CACNG4: variants seen among roughly 807,000 people sequenced by gnomAD.
CACNG4 encodes the protein voltage-dependent calcium channel gamma-4 subunit.
In CACNG4, 8 loss-of-function variants were observed where a neutral mutation model predicts 22.9. That is an observed-to-expected ratio of 0.35 (90% CI 0.21 to 0.63). The LOEUF (loss-of-function observed/expected upper bound fraction) is 0.63. Among genes scored for constraint, CACNG4 ranks in the 30% least tolerant of loss-of-function variants. The pLI, the probability that CACNG4 is intolerant of heterozygous loss-of-function variation, is 0.72. For synonymous variants in CACNG4, 188 were observed against 191.9 expected (o/e 0.98, Z 0.17); for missense variants, 357 against 455.4 (o/e 0.78, Z 1.97).
intron 1 of CACNG4, among the ~76,000 whole-genome samples, chr17:67,012,561 CA>C (rs756354612): frequency 2.6e-5 from 4 of 152,196 alleles, no homozygotes; most frequent in Non-Finnish European, 5.9e-5. Flanking sequence ...CAGAACTGCC[CA>C]CCAAGGGACA....
intron 1 of CACNG4, among the ~76,000 whole-genome samples, chr17:67,004,861 C>T (rs1333948995): frequency 1.3e-5 from 2 of 152,174 alleles, no homozygotes; most frequent in African/African-American, 4.8e-5. Context: ...ATAGCTGGGA[C>T]TATAAGCGTG....
At chr17:67,018,490 A>AGGCCTGTACCCTGGGGAGATG (rs2035513930) in intron 2 of CACNG4, among the ~76,000 whole-genome samples, 1 of 152,186 alleles carries the variant, frequency 6.6e-6, no homozygotes, top group East Asian at 1.9e-4. Flanking sequence ...TTTGGCTGAG[A>AGGCCTGTACCCTGGGGAGATG]GGCCTGTACC....
intron 3 of CACNG4, among the ~76,000 whole-genome samples, chr17:67,028,318 C>G (rs1441636431): frequency 6.6e-6 from 1 of 152,196 alleles, no homozygotes; most frequent in Non-Finnish European, 1.5e-5. Flanking sequence ...CTTTGGGAGG[C>G]TGAGGCGGGC....
intron 1 of CACNG4, among the ~76,000 whole-genome samples, chr17:66,967,749 C>T (rs759526169): frequency 7.9e-5 from 12 of 152,296 alleles, no homozygotes; most frequent in African/African-American, 2.2e-4. Flanking sequence ...AATAAGACTC[C>T]GAGGATAAAG....
rs1168524654 is a variant in CACNG4 at position 66,988,152 on chromosome 17, C to G, written c.220+23021C>G. 5.9e-5 allele frequency among the ~76,000 whole-genome samples: 9 copies of G among 152,100 alleles called. No individual in the cohort carries two copies. In the South Asian group the frequency reaches 1.0e-3, roughly 18 times the overall value. On this transcript the variant is annotated intron_variant, in intron 1 of 3. Coordinates refer to ENST00000262138, the MANE Select transcript of CACNG4 (RefSeq NM_014405.4). ...CACCCAGCTTGGCTGCATGAATCCC[C>G]GTGTACTGCACCTGGGAGCATGTGA...
At position 67,030,749 on chromosome 17, in the gene CACNG4, G is replaced by C. The variant is rs527684520; in HGVS notation, c.729G>C (p.Ser243=). Residue 243 remains serine (S), a synonymous_variant, in exon 4 of 4, where the codon TCG becomes TCC. Transcript: ENST00000262138. This position sits in a 1 kb window ranked among gnomAD's most constrained non-coding sequence, Gnocchi z 6.4. The part of the protein sequence containing the change: ...MPSYRYRRRR[S]RSSSRSTEAS... ...GCTACAGGTACCGGCGACGGCGCTC[G>C]AGGTCCAGCTCAAGGTCCACCGAGG... 1 of 1,614,136 alleles carries C rather than the reference G, an allele frequency of 6.2e-7. No homozygotes were observed. The highest frequency in any genetic ancestry group is 1.1e-5 in the South Asian group (1 of 91,078).
In CACNG4 at chr17:66,992,171, G is replaced by T. The variant is rs984306866; in HGVS notation, c.221-26018G>T. 1.6e-3 allele frequency among the ~76,000 whole-genome samples: 246 copies of T among 151,578 alleles called. 1 individual carries two copies. Among genetic ancestry groups the T allele is most frequent in the Admixed American group, 3.6e-3 (55 of 15,224 alleles). On this transcript the variant is annotated intron_variant, in intron 1 of 3. Coordinates refer to ENST00000262138, the MANE Select transcript of CACNG4 (RefSeq NM_014405.4). ...CTCCGCCAAGCTCCTGGGGGGGGGG[G>T]GCTGTGATGCCTCCTTTCTCACCCT...
chr17:66,981,229 T>C (rs920570338), intron 1 of CACNG4, among the ~76,000 whole-genome samples: 11 of 152,182 alleles, frequency 7.2e-5, no homozygotes, highest in African/African-American at 2.7e-4. Context: ...TGGAAGGAGA[T>C]GCTGATCAAG....
At chr17:66,973,844 TG>T (rs971686705) in intron 1 of CACNG4, among the ~76,000 whole-genome samples, 11 of 152,216 alleles carry the variant, frequency 7.2e-5, no homozygotes, top group African/African-American at 2.7e-4. Flanking sequence ...TGCCTGGATC[TG>T]CCCCCAACGT....
chr17:67,011,476 A>G (rs748684188), intron 1 of CACNG4, among the ~76,000 whole-genome samples: 3 of 152,104 alleles, frequency 2.0e-5, no homozygotes, highest in Non-Finnish European at 4.4e-5. Flanking sequence ...TGATGCTGAT[A>G]TTCATTTATT....
intron 1 of CACNG4, among the ~76,000 whole-genome samples, chr17:66,973,345 T>C (rs2035216585): frequency 1.3e-5 from 2 of 151,810 alleles, no homozygotes; most frequent in South Asian, 2.1e-4. Flanking sequence ...CCTTTATTAA[T>C]AGTAATGCTT....
intron 1 of CACNG4, among the ~76,000 whole-genome samples, chr17:67,010,931 G>A (rs1029396634): frequency 5.3e-5 from 8 of 152,150 alleles, no homozygotes; most frequent in Non-Finnish European, 8.8e-5. Context: ...CTGAGACACA[G>A]ACATGGTCCA....
chr17:66,975,955 G>A (rs920763643), intron 1 of CACNG4, among the ~76,000 whole-genome samples: 2 of 152,222 alleles, frequency 1.3e-5, no homozygotes, highest in African/African-American at 4.8e-5. Flanking sequence ...CCCCAAGGAG[G>A]CAGAGAGGAA....
At chr17:66,991,121 A>G (rs1027218470) in intron 1 of CACNG4, among the ~76,000 whole-genome samples, 4 of 151,916 alleles carry the variant, frequency 2.6e-5, no homozygotes, top group Admixed American at 1.3e-4. Context: ...TTGCAAGCAA[A>G]TCTCCAGCAC....
intron 1 of CACNG4, among the ~76,000 whole-genome samples, chr17:67,017,297 G>A (rs866162898): frequency 1.3e-5 from 2 of 152,032 alleles, no homozygotes; most frequent in Admixed American, 6.5e-5. Flanking sequence ...GGCTGGTCTC[G>A]AACTCCTGGG....
At chr17:66,986,440 GA>G (rs1172391020) in intron 1 of CACNG4, among the ~76,000 whole-genome samples, 2 of 152,210 alleles carry the variant, frequency 1.3e-5, no homozygotes, top group Non-Finnish European at 2.9e-5. Context: ...TAGGACAGTG[GA>G]ATGGAGGAGA....
intron 1 of CACNG4, among the ~76,000 whole-genome samples, chr17:66,989,047 C>T (rs1447400284): frequency 2.0e-5 from 2 of 98,454 alleles, no homozygotes; most frequent in Non-Finnish European, 3.6e-5. Flanking sequence ...GGCAACAGAG[C>T]AAGACTCTGC....
At chr17:66,969,918 A>T (rs1308122244) in intron 1 of CACNG4, among the ~76,000 whole-genome samples, 1 of 152,264 alleles carries the variant, frequency 6.6e-6, no homozygotes, top group East Asian at 1.9e-4. Flanking sequence ...GAAATAACCC[A>T]GAGGCAGCCT....
chr17:67,006,659 T>A (rs2035439804), intron 1 of CACNG4, among the ~76,000 whole-genome samples: 1 of 152,186 alleles, frequency 6.6e-6, no homozygotes, highest in African/African-American at 2.4e-5. Context: ...TCTCATAGTG[T>A]CACTGGCTCT....
Sources: allele counts gnomAD v4.1 joint callset (sites outside exome capture counted in the v4.1 genomes callset), GRCh38; gene constraint gnomAD v4.1.1; non-coding constraint Gnocchi (gnomAD v3.1); transcripts MANE v1.5; gene names NCBI Gene and HGNC (gene_info 2026-07-23, HGNC 2026-07-21).